The following KIF13B variants were observed in gnomAD, a reference collection of about 807,000 sequenced individuals.
KIF13B encodes kinesin-like protein KIF13B.
A neutral mutation model predicts 222.0 loss-of-function variants in KIF13B; 127 were observed. The ratio of observed to expected loss-of-function variants is 0.57; its 90% CI spans 0.50 to 0.66. KIF13B has a LOEUF of 0.66. Among genes scored for constraint, KIF13B ranks in the 30% least tolerant of loss-of-function variants. The pLI, the probability that KIF13B is intolerant of heterozygous loss-of-function variation, is 0.00. For missense variants in KIF13B, 2,173 were observed against 2,379.0 expected (o/e 0.91, Z 1.80); for synonymous variants, 976 against 919.0 (o/e 1.06, Z -1.12).
chr8:29,152,359 C>T (rs1368480479), intron 14 of KIF13B, among the ~76,000 whole-genome samples: 2 of 152,144 alleles, frequency 1.3e-5, no homozygotes, highest in African/African-American at 4.8e-5. Flanking sequence ...TTGAAAAGTT[C>T]TACCGTGGGT....
rs188811294 is a variant in KIF13B, at chr8:29,257,976, T to G, written c.55+5004A>C. On this transcript the variant is annotated intron_variant, in intron 1 of 39. Transcript: ENST00000524189. ...GTTGACAGTAGAAACAAAACAATGT[T>G]GTAATACATGTGTGTCTCATTCACC... Among the ~76,000 whole-genome samples the G allele has an allele frequency of 5.9e-5, 9 of 152,328 alleles. No individual in the cohort carries two copies. The East Asian group carries it at 1.7e-3, about 29-fold the overall frequency.
At chr8:29,083,033 A>G (rs1470753533) in intron 37 of KIF13B, among the ~76,000 whole-genome samples, 1 of 151,762 alleles carries the variant, frequency 6.6e-6, no homozygotes, top group African/African-American at 2.4e-5. Flanking sequence ...GGAGGCTGAG[A>G]TGGGAGAATC....
intron 36 of KIF13B, among the ~76,000 whole-genome samples, chr8:29,094,924 T>A (rs1808453902): frequency 6.8e-6 from 1 of 146,186 alleles, no homozygotes; most frequent in Admixed American, 6.9e-5. Context: ...AACAGAGCCC[T>A]GGAAATCACA....
chr8:29,205,354 G>A (rs1478232993), intron 2 of KIF13B, among the ~76,000 whole-genome samples: 1 of 152,174 alleles, frequency 6.6e-6, no homozygotes, highest in Non-Finnish European at 1.5e-5. Flanking sequence ...CCACACAGCA[G>A]CAACAGGTAG....
chr8:29,220,228 T>C (rs1814681004), intron 2 of KIF13B, among the ~76,000 whole-genome samples: 4 of 152,230 alleles, frequency 2.6e-5, no homozygotes, highest in African/African-American at 9.6e-5. Context: ...CAGTATCTTC[T>C]TTTGTATAGT....
intron 35 of KIF13B, among the ~76,000 whole-genome samples, chr8:29,099,486 C>T (rs1180727396): frequency 3.9e-5 from 6 of 152,068 alleles, no homozygotes; most frequent in Non-Finnish European, 7.4e-5. Context: ...GCAATTCTCC[C>T]GCCTCAGCCT....
intron 29 of KIF13B, among the ~76,000 whole-genome samples, chr8:29,121,067 A>G (rs1809835260): frequency 6.6e-6 from 1 of 150,534 alleles, no homozygotes; most frequent in South Asian, 2.1e-4. Context: ...TTCATTGTAG[A>G]TTCTGGATAT....
At chr8:29,079,154 A>G (rs1329876816) in intron 37 of KIF13B, among the ~76,000 whole-genome samples, 2 of 152,130 alleles carry the variant, frequency 1.3e-5, no homozygotes, top group Non-Finnish European at 2.9e-5. Context: ...AATTCCCTCA[A>G]TGGACGGCTT....
rs374658887 is a variant in KIF13B, at chr8:29,140,531, G to A, written c.2421C>T (p.Leu807=). 1.5e-5 allele frequency: 25 copies of A among 1,613,734 alleles called. 1 individual carries two copies. The highest frequency in any genetic ancestry group is 6.6e-5 in the South Asian group (6 of 91,068). The stretch of plus-strand genomic sequence containing the variant: ...ACTTCACATCATAGAAAAGTGACTC[G>A]AGGAAGACATTGGCCACCCCAATGA... ...HSLIGVANVF[L]ESLFYDVKLQ... The change falls in exon 20 of 40, where the codon CTC becomes CTT. Residue 807 remains leucine (L), a synonymous_variant. Transcript: ENST00000524189.
At position 29,142,383 on chromosome 8, in the gene KIF13B, C is replaced by T. The variant is rs1266828604; in HGVS notation, c.2188-80G>A. On this transcript the variant is annotated intron_variant, in intron 18 of 39. Coordinates refer to ENST00000524189, the MANE Select transcript of KIF13B (RefSeq NM_015254.4). ...AGCTGACAATTCCACCCCCATCAGT[C>T]AAATGTCATTACACCAAAACTCAAA... 2.4e-6 allele frequency: 3 copies of T among 1,243,368 alleles called. No individual in the cohort carries two copies. In the African/African-American group the frequency reaches 4.5e-5, roughly 19 times the overall value. 77.0% of individuals were successfully genotyped at this position (1,243,368 alleles called of 1,614,324 possible). A position where few individuals can be genotyped will look rare whatever the true frequency, so the allele number is the denominator to read the frequency against.
chr8:29,127,987 T>C (rs542446537), intron 24 of KIF13B, among the ~76,000 whole-genome samples: 1 of 151,624 alleles, frequency 6.6e-6, no homozygotes, highest in African/African-American at 2.4e-5. Flanking sequence ...ACATATGACA[T>C]GTTAAAGTAC....
At position 29,146,291 on chromosome 8, in the gene KIF13B, G is replaced by A. The variant is rs550619812; in HGVS notation, c.2187+87C>T. ...TCTGGACTTGGGGCAGGCACAGACA[G>A]GGATCTGAAGCTTAAATAACACCAG... is the stretch of plus-strand genomic sequence containing the variant. On this transcript the variant is annotated intron_variant, in intron 18 of 39. Coordinates refer to ENST00000524189, the MANE Select transcript of KIF13B (RefSeq NM_015254.4). 267 of 1,375,030 alleles carry A rather than the reference G, an allele frequency of 1.9e-4. No homozygotes were observed. The African/African-American group carries it at 3.2e-3, about 16-fold the overall frequency. The allele number at this position is 1,375,030 out of a possible 1,614,324, so 85.2% of individuals were successfully genotyped here.
At chr8:29,156,291 A>G (rs1300174547) in intron 13 of KIF13B, among the ~76,000 whole-genome samples, 1 of 152,118 alleles carries the variant, frequency 6.6e-6, no homozygotes, top group Non-Finnish European at 1.5e-5. Context: ...TTTAAAAGCA[A>G]ATGAAGCCAG....
chr8:29,085,907 G>A (rs989528501), intron 37 of KIF13B, among the ~76,000 whole-genome samples: 33 of 147,218 alleles, frequency 2.2e-4, no homozygotes, highest in Non-Finnish European at 1.2e-4. Flanking sequence ...TTTTCCCACT[G>A]TCAGCTGTCA....
intron 30 of KIF13B, 48 bp downstream of exon 30, chr8:29,118,820 T>G: frequency 6.2e-7 from 1 of 1,605,942 alleles, no homozygotes; most frequent in South Asian, 1.1e-5. Context: ...GAGGAGAGGT[T>G]AAGGAAACCA....
chr8:29,113,529 C>T lies in KIF13B; in HGVS notation c.3864G>A (p.Lys1288=). ...CAGGAATAGAACTTCGATGAGACAT[C>T]TTTTTTAGGAGACTCTGTGCAAAAC... The part of the protein sequence containing the change: ...RQGFAQSLLK[K]MSHRSSIPGC... Residue 1288 remains lysine, a synonymous_variant, in exon 32 of 40, where the codon AAG becomes AAA. Coordinates refer to ENST00000524189, the MANE Select transcript of KIF13B (RefSeq NM_015254.4). 1 of 1,588,888 alleles carries T rather than the reference C, an allele frequency of 6.3e-7. No individual in the cohort carries two copies. Among genetic ancestry groups the T allele is most frequent in the South Asian group, 1.1e-5 (1 of 87,116 alleles).
chr8:29,122,115 G>A (rs1444251854), intron 29 of KIF13B, among the ~76,000 whole-genome samples: 3 of 152,032 alleles, frequency 2.0e-5, no homozygotes, highest in Non-Finnish European at 4.4e-5. Flanking sequence ...TTAGCCGGGC[G>A]TGGTGGCACA....
intron 27 of KIF13B, 66 bp from the exon 28 acceptor site, chr8:29,123,558 TAA>T (rs1809973003): frequency 6.3e-7 from 1 of 1,589,426 alleles, no homozygotes; most frequent in Non-Finnish European, 8.6e-7. Flanking sequence ...TTGTCCTGAG[TAA>T]AGACTGGATT....
intron 30 of KIF13B, 108 bp from the exon 31 acceptor site, chr8:29,117,115 A>G (rs1478661958): frequency 1.1e-6 from 1 of 931,348 alleles, no homozygotes; most frequent in African/African-American, 1.7e-5. Flanking sequence ...GCCAGTCACC[A>G]GCAAAGTTCT....
Sources: gnomAD v4.1 joint callset for allele counts (sites outside exome capture counted in the v4.1 genomes callset) on GRCh38, gnomAD v4.1.1 for gene constraint, MANE v1.5 for transcripts, NCBI Gene and HGNC (gene_info 2026-07-23, HGNC 2026-07-21) for gene names.